Variants in INPP5B observed in about 807,000 individuals in gnomAD.
INPP5B encodes inositol polyphosphate-5-phosphatase B.
INPP5B carries 90 observed loss-of-function variants against 118.5 expected under a neutral mutation model. That is an observed-to-expected ratio of 0.76 (90% CI 0.64 to 0.90). The LOEUF (loss-of-function observed/expected upper bound fraction) is 0.90, where lower values mean the gene tolerates loss of function less well. Among genes scored for constraint, INPP5B ranks in the 40% least tolerant of loss-of-function variants. INPP5B has a pLI of 0.00. For missense variants in INPP5B, 984 were observed against 1,125.6 expected (o/e 0.87, Z 1.80); for synonymous variants, 385 against 418.9 (o/e 0.92, Z 0.99).
At chr1:37,866,954 T>C (rs1642084850) in intron 20 of INPP5B, among the ~76,000 whole-genome samples, 1 of 152,196 alleles carries the variant, frequency 6.6e-6, no homozygotes, top group Non-Finnish European at 1.5e-5. Context: ...ATGGCAGCCA[T>C]CAGGCGTGTT....
At chr1:37,879,682 C>T (rs923275509) in intron 15 of INPP5B, among the ~76,000 whole-genome samples, 6 of 151,958 alleles carry the variant, frequency 3.9e-5, no homozygotes, top group South Asian at 2.1e-4. Context: ...CGCTTGAACT[C>T]GGGAGGCAGG....
chr1:37,880,875 AAC>A (rs1643159555), intron 14 of INPP5B, among the ~76,000 whole-genome samples: 1 of 152,184 alleles, frequency 6.6e-6, no homozygotes. Flanking sequence ...GCAGCTGTGC[AAC>A]ACCACACAGC....
intron 7 of INPP5B, among the ~76,000 whole-genome samples, chr1:37,899,998 G>A (rs893044090): frequency 6.6e-6 from 1 of 152,018 alleles, no homozygotes; most frequent in South Asian, 2.1e-4. Context: ...ACAGGCGTGA[G>A]CCACTGTGCC....
chr1:37,910,385 C>T (rs1417808071), intron 7 of INPP5B, among the ~76,000 whole-genome samples: 1 of 152,078 alleles, frequency 6.6e-6, no homozygotes, highest in Non-Finnish European at 1.5e-5. Context: ...TTTTAGTTAT[C>T]CTCACCTGCC....
intron 7 of INPP5B, chr1:37,931,229 C>CT (rs539733670): frequency 6.9e-4 from 246 of 356,782 alleles, no homozygotes; most frequent in South Asian, 5.0e-3. Flanking sequence ...ATCACAGGGG[C>CT]TGAGAACTGA....
intron 20 of INPP5B, among the ~76,000 whole-genome samples, chr1:37,867,592 A>G (rs1012223887): frequency 6.6e-6 from 1 of 152,228 alleles, no homozygotes; most frequent in African/African-American, 2.4e-5. Context: ...GTACACTGCA[A>G]CTTTCAATAA....
intron 7 of INPP5B, among the ~76,000 whole-genome samples, chr1:37,910,059 C>G (rs535347661): frequency 6.6e-6 from 1 of 152,188 alleles, no homozygotes; most frequent in African/African-American, 2.4e-5. Flanking sequence ...CCCAGAGCCC[C>G]TGGAACTCTG....
chr1:37,919,241 G>C (rs999145837), intron 7 of INPP5B, among the ~76,000 whole-genome samples: 1 of 152,112 alleles, frequency 6.6e-6, no homozygotes, highest in East Asian at 1.9e-4. Flanking sequence ...GTCACTGCTG[G>C]GTGGAGATCA....
intron 19 of INPP5B, among the ~76,000 whole-genome samples, chr1:37,871,464 G>C (rs959011644): frequency 8.7e-5 from 13 of 149,874 alleles, no homozygotes; most frequent in Admixed American, 5.4e-4. Context: ...ACTCACAAAA[G>C]AAAACAAAAC....
intron 7 of INPP5B, among the ~76,000 whole-genome samples, chr1:37,910,147 G>A (rs529640165): frequency 1.0e-3 from 158 of 152,244 alleles, no homozygotes; most frequent in African/African-American, 3.7e-3. Context: ...CGATCGCCTC[G>A]GAAGCCTACA....
At chr1:37,888,001 T>G (rs1643637236) in intron 10 of INPP5B, among the ~76,000 whole-genome samples, 1 of 152,202 alleles carries the variant, frequency 6.6e-6, no homozygotes, top group Non-Finnish European at 1.5e-5. Flanking sequence ...GAGTTCAGGA[T>G]GCAATTCAGG....
chr1:37,938,265 T>C lies in INPP5B; in HGVS notation c.391+2423A>G, dbSNP rs555988361. Among the ~76,000 whole-genome samples, 619 of 87,916 alleles carry C rather than the reference T, an allele frequency of 7.0e-3. 3 individuals are homozygous for C. Among genetic ancestry groups the C allele is most frequent in the South Asian group, 0.021 (65 of 3,106 alleles). The allele number at this position is 87,916 out of a possible 152,430, so 57.7% of individuals were successfully genotyped here. A position where few individuals can be genotyped will look rare whatever the true frequency, so the allele number is the denominator to read the frequency against. ...GCCTGGGCAACAGGGCGAGACTCTG[T>C]CTCAAAAATAAATAAATAAATAAAT... On this transcript the variant is annotated intron_variant, in intron 6 of 23. Coordinates refer to ENST00000373024, the MANE Select transcript of INPP5B (RefSeq NM_005540.3).
intron 7 of INPP5B, among the ~76,000 whole-genome samples, chr1:37,904,351 G>C (rs1049072186): frequency 6.6e-6 from 1 of 151,936 alleles, no homozygotes; most frequent in Non-Finnish European, 1.5e-5. Flanking sequence ...AAATAAATAA[G>C]AAGTCACGGG....
At chr1:37,890,352 G>A (rs4652971) in intron 8 of INPP5B, among the ~76,000 whole-genome samples, 104,134 of 149,686 alleles carry the variant, frequency 0.7, 36,057 homozygotes, top group East Asian at 0.73. Context: ...TGTCTCAAAA[G>A]AAAAAAAAAG....
chr1:37,905,543 G>A (rs1644475661), intron 7 of INPP5B, among the ~76,000 whole-genome samples: 1 of 152,198 alleles, frequency 6.6e-6, no homozygotes, highest in Non-Finnish European at 1.5e-5. Flanking sequence ...ATGCCACTGT[G>A]GTAACCAAAT....
At chr1:37,937,971 T>TAA (rs1397827981) in intron 6 of INPP5B, among the ~76,000 whole-genome samples, 1 of 82,304 alleles carries the variant, frequency 1.2e-5, no homozygotes. Flanking sequence ...AAAGTTGGTC[T>TAA]CAAAAAAAAA....
At chr1:37,903,543 G>A (rs528719075) in intron 7 of INPP5B, among the ~76,000 whole-genome samples, 6 of 152,282 alleles carry the variant, frequency 3.9e-5, no homozygotes, top group South Asian at 4.1e-4. Flanking sequence ...TGGCTAACAC[G>A]GTGAAACCCC....
chr1:37,906,976 C>A lies in INPP5B; in HGVS notation c.533-15522G>T, dbSNP rs556318020. Among the ~76,000 whole-genome samples the A allele has an allele frequency of 2.0e-5, 3 of 152,136 alleles. No homozygotes were observed. In the East Asian group the frequency reaches 5.8e-4, roughly 29 times the overall value. ...GACTGACCCTACTTATTTCTATTAA[C>A]CAACTAGTGATCTCTGGTGCAGCTC... On this transcript the variant is annotated intron_variant, in intron 7 of 23. Coordinates refer to ENST00000373024, the MANE Select transcript of INPP5B (RefSeq NM_005540.3).
At chr1:37,941,958 A>AAAAAAAAAAAAAATATATATATATATAT (rs1427344681) in intron 5 of INPP5B, 2 of 30,332 alleles carry the variant, frequency 6.6e-5, no homozygotes, top group East Asian at 9.6e-4. Context: ...AAAAAAAAAA[A>AAAAAAAAAAAAAATATATATATATATAT]ATATATATAT....
Sources: allele counts gnomAD v4.1 joint callset (sites outside exome capture counted in the v4.1 genomes callset), GRCh38; gene constraint gnomAD v4.1.1; transcripts MANE v1.5; gene names NCBI Gene and HGNC (gene_info 2026-07-23, HGNC 2026-07-21).